Variants in DLGAP4 observed in about 807,000 individuals in gnomAD.
The protein encoded by DLGAP4 is disks large-associated protein 4.
Under a neutral mutation model 86.9 loss-of-function variants are expected in DLGAP4, and 18 were observed. That is an observed-to-expected ratio of 0.21 (90% CI 0.14 to 0.31). The LOEUF is 0.31. Among genes scored for constraint, DLGAP4 ranks in the 10% least tolerant of loss-of-function variants. DLGAP4 has a pLI of 1.00. For synonymous variants in DLGAP4, 548 were observed against 574.3 expected (o/e 0.95, Z 0.65); for missense variants, 1,085 against 1,362.6 (o/e 0.80, Z 3.21).
At position 36,432,140 on chromosome 20, in the gene DLGAP4, C is replaced by T; in HGVS notation, c.423C>T (p.His141=). The change falls in exon 3 of 13, where the codon CAC becomes CAT. Residue 141 remains histidine (H), a synonymous_variant. Transcript: ENST00000339266. This position sits in a 1 kb window ranked among gnomAD's most constrained non-coding sequence, Gnocchi z 6.5. ...GTGAGAGCCCTGGCCGCATCCGCCA[C>T]CTGGTCCACTCAGTCCAGCGGCTTT... The part of the protein sequence containing the change: ...ARGESPGRIR[H]LVHSVQRLFF... 1 of 1,614,200 alleles carries T rather than the reference C, an allele frequency of 6.2e-7. No individual in the cohort carries two copies. Among genetic ancestry groups the T allele is most frequent in the Non-Finnish European group, 8.5e-7 (1 of 1,180,042 alleles).
chr20:36,510,399 G>T (rs554934493), intron 10 of DLGAP4, among the ~76,000 whole-genome samples: 31 of 152,238 alleles, frequency 2.0e-4, no homozygotes, highest in Admixed American at 2.0e-3. Flanking sequence ...GAGTAGCTGG[G>T]ACTACAGGTG....
intron 7 of DLGAP4, among the ~76,000 whole-genome samples, chr20:36,459,694 G>A (rs940088366): frequency 7.9e-5 from 12 of 152,156 alleles, no homozygotes; most frequent in African/African-American, 1.4e-4. Context: ...CGCAACCTCC[G>A]CTTCCCAGGT....
At chr20:36,361,016 C>G (rs1555894198) in intron 1 of DLGAP4, among the ~76,000 whole-genome samples, 2 of 151,626 alleles carry the variant, frequency 1.3e-5, no homozygotes, top group Non-Finnish European at 2.9e-5. Context: ...GTCGTGGGGG[C>G]CAATGGCGTC....
At position 36,500,644 on chromosome 20, in the gene DLGAP4, G is replaced by GTA. The variant is rs779057639; in HGVS notation, c.2512+34_2512+35dup. On this transcript the variant is annotated intron_variant, in intron 10 of 12. Coordinates refer to ENST00000339266, the MANE Select transcript of DLGAP4 (RefSeq NM_001365621.2). This position sits in a 1 kb window ranked among gnomAD's most constrained non-coding sequence, Gnocchi z 4.6. The stretch of plus-strand genomic sequence containing the variant: ...CCACATGGATGGTCCTTGGGCAAGG[G>GTA]TAGAAGGTGTTGGCAGCTGGTTTCA... 7.0e-7 allele frequency: 1 copy of GTA among 1,428,846 alleles called. No individual in the cohort carries two copies. Among genetic ancestry groups the GTA allele is most frequent in the Non-Finnish European group, 9.2e-7 (1 of 1,089,050 alleles). The allele number at this position is 1,428,846 out of a possible 1,614,324, so 88.5% of individuals were successfully genotyped here. A position where few individuals can be genotyped will look rare whatever the true frequency, so the allele number is the denominator to read the frequency against.
rs6124307 is a variant in DLGAP4 at position 36,365,799 on chromosome 20, C to A, written c.-303-1246C>A. ...GGGGAGAAAGGTGAGCCTCCCCGACCAGCGACTGTCCCTTTCTCCTTATTC... is the reference window on the plus strand; with the variant it reads ...GGGGAGAAAGGTGAGCCTCCCCGACAAGCGACTGTCCCTTTCTCCTTATTC... On this transcript the variant is annotated intron_variant, in intron 1 of 12. Transcript: ENST00000339266. Among the ~76,000 whole-genome samples, 9 of 152,294 alleles carry A rather than the reference C, an allele frequency of 5.9e-5. No homozygotes were observed. The East Asian group carries it at 1.7e-3, about 29-fold the overall frequency.
At chr20:36,479,935 C>T (rs930870005) in intron 7 of DLGAP4, among the ~76,000 whole-genome samples, 21 of 152,178 alleles carry the variant, frequency 1.4e-4, no homozygotes, top group Non-Finnish European at 2.5e-4. Flanking sequence ...GCAGCAGCTC[C>T]GTGGGCCCTT....
intron 1 of DLGAP4, among the ~76,000 whole-genome samples, chr20:36,349,366 C>T (rs769210820): frequency 4.0e-5 from 6 of 149,334 alleles, no homozygotes; most frequent in East Asian, 3.9e-4. Flanking sequence ...TGCAGTGAGC[C>T]GAGATCACGC....
At chr20:36,396,332 CACACGCACACACACA>C (rs2031950712) in intron 2 of DLGAP4, among the ~76,000 whole-genome samples, 2 of 438 alleles carry the variant, frequency 4.6e-3, no homozygotes, top group African/African-American at 0.024. Context: ...CACACACACA[CACACGCACACACACA>C]CACACATACC....
chr20:36,316,656 G>A (rs2147338328), intron 1 of DLGAP4, among the ~76,000 whole-genome samples: 1 of 152,310 alleles, frequency 6.6e-6, no homozygotes, highest in Non-Finnish European at 1.5e-5. Flanking sequence ...TGGTAGTCCA[G>A]GAAGGGCCTG....
intron 10 of DLGAP4, among the ~76,000 whole-genome samples, chr20:36,522,264 C>T (rs1237345443): frequency 6.6e-6 from 1 of 152,104 alleles, no homozygotes; most frequent in African/African-American, 2.4e-5. Flanking sequence ...AAACAATCCT[C>T]CCGCCCCGCC....
chr20:36,464,328 G>A (rs2034241383), intron 7 of DLGAP4, among the ~76,000 whole-genome samples: 1 of 152,224 alleles, frequency 6.6e-6, no homozygotes, highest in Non-Finnish European at 1.5e-5. Context: ...GGGAGGCCAA[G>A]GCAGGCAGGT....
chr20:36,492,912 T>C (rs1249703255), intron 7 of DLGAP4: 1 of 152,100 alleles, frequency 6.6e-6, no homozygotes, highest in Non-Finnish European at 1.5e-5. Flanking sequence ...CTGGTGGCCA[T>C]AGATTTCAAG....
rs1010606767 is a variant in DLGAP4 at position 36,393,931 on chromosome 20, G to A, written c.-73+26656G>A. Among the ~76,000 whole-genome samples the A allele has an allele frequency of 7.9e-5, 12 of 152,100 alleles. No individual in the cohort carries two copies. The highest frequency in any genetic ancestry group is 2.1e-4 in the South Asian group (1 of 4,832). On this transcript the variant is annotated intron_variant, in intron 2 of 12. Transcript: ENST00000339266. This position sits in a 1 kb window ranked among gnomAD's most constrained non-coding sequence, Gnocchi z 4.4. ...CATCCCTCGCCTGCCCACAGAATGCGCCCCAGGCCCTGCTGTACACACAGG... is the reference window on the plus strand; with the variant it reads ...CATCCCTCGCCTGCCCACAGAATGCACCCCAGGCCCTGCTGTACACACAGG...
chr20:36,411,409 T>C (rs1417661648), intron 2 of DLGAP4, among the ~76,000 whole-genome samples: 1 of 152,302 alleles, frequency 6.6e-6, no homozygotes, highest in East Asian at 1.9e-4. Flanking sequence ...GCTTTCCACA[T>C]CAGTACACTC....
intron 2 of DLGAP4, among the ~76,000 whole-genome samples, chr20:36,401,500 G>GCC (rs1214408580): frequency 2.0e-5 from 3 of 152,212 alleles, no homozygotes; most frequent in Non-Finnish European, 4.4e-5. Context: ...GTCCTCACCT[G>GCC]CGGAATGGGT....
At chr20:36,424,728 T>G (rs1168922366) in intron 2 of DLGAP4, among the ~76,000 whole-genome samples, 4 of 145,034 alleles carry the variant, frequency 2.8e-5, no homozygotes. Flanking sequence ...TTTTTTTGTT[T>G]GTTTTGTTTG....
At chr20:36,388,077 A>G (rs2031660754) in intron 2 of DLGAP4, among the ~76,000 whole-genome samples, 3 of 152,228 alleles carry the variant, frequency 2.0e-5, no homozygotes, top group Admixed American at 6.5e-5. Flanking sequence ...AGTGTTATGA[A>G]GAAAAACACG....
chr20:36,490,465 G>C (rs2147742357), intron 7 of DLGAP4, among the ~76,000 whole-genome samples: 1 of 152,306 alleles, frequency 6.6e-6, no homozygotes, highest in South Asian at 2.1e-4. Flanking sequence ...CTGGGAGAGG[G>C]AGTGGGATCT....
At chr20:36,384,071 G>GAAA (rs11484054) in intron 2 of DLGAP4, among the ~76,000 whole-genome samples, 1 of 149,836 alleles carries the variant, frequency 6.7e-6, no homozygotes. Flanking sequence ...TAACTAGCTA[G>GAAA]AAAAAAAAAG....
Sources: gnomAD v4.1 joint callset for allele counts (sites outside exome capture counted in the v4.1 genomes callset) on GRCh38, gnomAD v4.1.1 for gene constraint, Gnocchi (gnomAD v3.1) non-coding constraint, MANE v1.5 for transcripts, NCBI Gene and HGNC (gene_info 2026-07-23, HGNC 2026-07-21) for gene names.